CKAP5: variants seen among roughly 807,000 people sequenced by gnomAD.
The protein encoded by CKAP5 is cytoskeleton-associated protein 5.
A neutral mutation model predicts 232.8 loss-of-function variants in CKAP5; 27 were observed. The observed-to-expected ratio is 0.12, with a 90% CI of 0.09 to 0.16. The LOEUF (loss-of-function observed/expected upper bound fraction) is 0.16, where lower values mean the gene tolerates loss of function less well. CKAP5 is among the 10% of genes least tolerant of loss of function. The probability of loss-of-function intolerance (pLI) is 1.00; values close to 1 mark genes in which losing one functional copy is unlikely to be tolerated. For missense variants in CKAP5, 1,838 were observed against 2,424.7 expected (o/e 0.76, Z 5.08); for synonymous variants, 785 against 841.1 (o/e 0.93, Z 1.16).
chr11:46,818,195 A>C, intron 3 of CKAP5, 115 bp downstream of exon 3: 4 of 729,442 alleles, frequency 5.5e-6, no homozygotes, highest in Non-Finnish European at 8.1e-6. Context: ...CTACGAAAGT[A>C]AGAAAATTCA....
At chr11:46,830,301 C>T (rs1272299936) in intron 1 of CKAP5, among the ~76,000 whole-genome samples, 2 of 151,680 alleles carry the variant, frequency 1.3e-5, no homozygotes, top group African/African-American at 2.4e-5. Context: ...ATTAGCCGGG[C>T]GTGGTGGCAG....
At chr11:46,802,547 CA>C (rs1014921986) in intron 8 of CKAP5, among the ~76,000 whole-genome samples, 2 of 135,014 alleles carry the variant, frequency 1.5e-5, no homozygotes, top group African/African-American at 3.4e-5. Context: ...GACAGACAGA[CA>C]GACAGACAGA....
chr11:46,815,653 G>T (rs140229515), intron 4 of CKAP5, among the ~76,000 whole-genome samples: 45 of 152,322 alleles, frequency 3.0e-4, no homozygotes, highest in African/African-American at 8.9e-4. Context: ...ATCTTCATTA[G>T]AAAGGGATTC....
At chr11:46,808,280 G>A (rs760633620) in intron 7 of CKAP5, 136 bp from the exon 8 acceptor site, 12 of 570,270 alleles carry the variant, frequency 2.1e-5, no homozygotes, top group Non-Finnish European at 3.0e-5. Flanking sequence ...AGTGGCTCAC[G>A]CCTGTAATCC....
At chr11:46,792,032 C>T (rs990929343) in intron 13 of CKAP5, among the ~76,000 whole-genome samples, 2 of 152,126 alleles carry the variant, frequency 1.3e-5, no homozygotes, top group Admixed American at 1.3e-4. Context: ...TAATACTTAC[C>T]ATGTCATATC....
At chr11:46,838,771 G>A (rs1030812247) in intron 1 of CKAP5, among the ~76,000 whole-genome samples, 2 of 107,768 alleles carry the variant, frequency 1.9e-5, no homozygotes, top group East Asian at 3.0e-4. Context: ...TCCAGCCTAG[G>A]AGACAGAGTG....
At chr11:46,745,382 A>C (rs952848111) in intron 42 of CKAP5, among the ~76,000 whole-genome samples, 3 of 152,198 alleles carry the variant, frequency 2.0e-5, no homozygotes, top group Admixed American at 6.5e-5. Context: ...AAATGAATGA[A>C]GAATTATGTA....
At chr11:46,793,347 G>A (rs1938785898) in intron 13 of CKAP5, among the ~76,000 whole-genome samples, 1 of 152,194 alleles carries the variant, frequency 6.6e-6, no homozygotes, top group African/African-American at 2.4e-5. Context: ...GGCTGGCGTG[G>A]GGAAGGAGAG....
rs143764463 is a variant in CKAP5, at chr11:46,759,220, G to A, written c.4568+49C>T. ...ACAAAGGGCACATTTCACGTAGGCC[G>A]TCTGATCATCATGAACTGCTCATAT... On this transcript the variant is annotated intron_variant, in intron 34 of 43. Coordinates refer to ENST00000529230, the MANE Select transcript of CKAP5 (RefSeq NM_001008938.4). The A allele has an allele frequency of 4.5e-4, 701 of 1,563,364 alleles. 4 individuals are homozygous for A. The African/African-American group carries it at 8.7e-3, about 19-fold the overall frequency.
In CKAP5 at chr11:46,751,446, T is replaced by G. The variant is rs757451357; in HGVS notation, c.5222A>C (p.Lys1741Thr). ...RILLDIHIFM[K>T]VFPKEKLKQC... is the part of the protein sequence containing the mutation. ...CTTCAGTTTCTCTTTGGGGAAGACC[T>G]TCATGAAAATGTGGATATCCAGAAG... Residue 1741 changes from lysine (K) to threonine (T), a missense_variant, in exon 39 of 44, where the codon AAG becomes ACG. Coordinates refer to ENST00000529230, the MANE Select transcript of CKAP5 (RefSeq NM_001008938.4). The G allele has an allele frequency of 1.9e-6, 3 of 1,614,128 alleles. No homozygotes were observed. The highest frequency in any genetic ancestry group is 2.5e-6 in the Non-Finnish European group (3 of 1,179,970).
chr11:46,790,548 T>C lies in CKAP5; in HGVS notation c.1686A>G (p.Ala562=). The C allele has an allele frequency of 2.5e-6, 4 of 1,613,980 alleles. No individual in the cohort carries two copies. Among genetic ancestry groups the C allele is most frequent in the Non-Finnish European group, 3.4e-6 (4 of 1,179,850 alleles). The change falls in exon 14 of 44, where the codon GCA becomes GCG. Residue 562 remains alanine (A), a synonymous_variant. Coordinates refer to ENST00000529230, the MANE Select transcript of CKAP5 (RefSeq NM_001008938.4). ...GGPPKKGKPA[A]PGGAGNTGTK... is the part of the protein sequence containing the mutation. ...TTCCAGTATTCCCTGCGCCTCCTGG[T>C]GCAGCTGGTTTCCCCTTTTTTGGTG...
chr11:46,840,690 T>C (rs1327707810), intron 1 of CKAP5, among the ~76,000 whole-genome samples: 6 of 152,228 alleles, frequency 3.9e-5, no homozygotes, highest in African/African-American at 1.4e-4. Flanking sequence ...TCCATGCCTC[T>C]TCCCCTATAC....
At chr11:46,821,390 G>C (rs373521961) in intron 1 of CKAP5, 122 bp from the exon 2 acceptor site, 3 of 456,902 alleles carry the variant, frequency 6.6e-6, no homozygotes, top group Non-Finnish European at 1.2e-5. Flanking sequence ...CCGTTCTTTC[G>C]TCAGATCCCC....
chr11:46,813,076 G>C (rs1025780933), intron 4 of CKAP5, among the ~76,000 whole-genome samples: 38 of 151,990 alleles, frequency 2.5e-4, no homozygotes, highest in Non-Finnish European at 4.7e-4. Flanking sequence ...CTCCTGAGTT[G>C]GTGGGACTAC....
intron 24 of CKAP5, among the ~76,000 whole-genome samples, chr11:46,773,067 G>A (rs1363424100): frequency 6.6e-6 from 1 of 151,988 alleles, no homozygotes; most frequent in Non-Finnish European, 1.5e-5. Flanking sequence ...CATGTTATCT[G>A]TAGAGGTTGT....
intron 24 of CKAP5, 58 bp from the exon 25 acceptor site, chr11:46,771,040 G>GAT: frequency 6.9e-7 from 1 of 1,439,184 alleles, no homozygotes; most frequent in Middle Eastern, 1.9e-4. Flanking sequence ...TATCATTTAT[G>GAT]ATCTCAGGCT....
Position 46,777,488 on chromosome 11 carries a change from T to C in CKAP5, c.2813A>G (p.His938Arg). The change falls in exon 23 of 44, where the codon CAT becomes CGT. Residue 938 changes from histidine (H) to arginine (R), a missense_variant. His to Arg is a conservative substitution (Grantham distance 29). Transcript: ENST00000529230. The part of the protein sequence containing the change: ...AVAMGPNIKQ[H>R]VKNLGIPIIT... ...GATAGGGATGCCTAAATTTTTTACA[T>C]GTTGCTTAATATTTGGGCCCATGGC... 3 of 1,613,976 alleles carry C rather than the reference T, an allele frequency of 1.9e-6. No homozygotes were observed. The highest frequency in any genetic ancestry group is 2.5e-6 in the Non-Finnish European group (3 of 1,179,858).
chr11:46,839,647 AC>A (rs1182610965), intron 1 of CKAP5, among the ~76,000 whole-genome samples: 1 of 152,162 alleles, frequency 6.6e-6, no homozygotes, highest in Non-Finnish European at 1.5e-5. Context: ...GGGGAATTCT[AC>A]CCAGAAATTG....
At chr11:46,843,055 A>T (rs926829451) in intron 1 of CKAP5, among the ~76,000 whole-genome samples, 1 of 151,528 alleles carries the variant, frequency 6.6e-6, no homozygotes, top group East Asian at 2.0e-4. Flanking sequence ...AGGCCAAGAC[A>T]GGATGATCAC....
Sources: allele counts gnomAD v4.1 joint callset (sites outside exome capture counted in the v4.1 genomes callset), GRCh38; gene constraint gnomAD v4.1.1; transcripts MANE v1.5; gene names NCBI Gene and HGNC (gene_info 2026-07-23, HGNC 2026-07-21).